The following DCAF8L2 variants were observed in gnomAD, a reference collection of about 807,000 sequenced individuals.
The protein encoded by DCAF8L2 is DDB1 and CUL4 associated factor 8 like 2.
For missense variants in DCAF8L2, 430 were observed against 490.7 expected, an observed-to-expected ratio of 0.88 and a Z score of 1.17; for synonymous variants, 200 against 190.9, an observed-to-expected ratio of 1.05 and a Z score of -0.39.
chrX:27,497,375 A>G, the DCAF8L2 span, among the ~76,000 whole-genome samples: 7 of 111,171 alleles, frequency 6.3e-5, no homozygotes, highest in Admixed American at 6.7e-4. Flanking sequence ...TGTTAAATAT[A>G]TTCACATCAT....
At chrX:27,528,108 TTTAA>T in the DCAF8L2 span, among the ~76,000 whole-genome samples, 2 of 104,409 alleles carry the variant, frequency 1.9e-5, no homozygotes, top group Admixed American at 1.1e-4. Flanking sequence ...TTTAATTTAA[TTTAA>T]TTAATTATTA....
chrX:27,699,377 A>G (rs1304465515), intron 3 of DCAF8L2, among the ~76,000 whole-genome samples: 2 of 112,141 alleles, frequency 1.8e-5, no homozygotes, highest in African/African-American at 3.2e-5. Context: ...ACAGTCAGCA[A>G]GGGAGGGAAA....
chrX:27,538,967 G>A, the DCAF8L2 span, among the ~76,000 whole-genome samples: 1 of 112,262 alleles, frequency 8.9e-6, no homozygotes, highest in South Asian at 3.7e-4. Context: ...ATCCTAATGT[G>A]TACCTGAAAG....
intron 4 of DCAF8L2, among the ~76,000 whole-genome samples, chrX:27,719,781 T>C (rs1931828984): frequency 8.9e-6 from 1 of 111,967 alleles, no homozygotes; most frequent in African/African-American, 3.2e-5. Context: ...TTAAATTTGT[T>C]CTTTATATTT....
chrX:27,570,574 AT>A, the DCAF8L2 span, among the ~76,000 whole-genome samples: 2 of 111,808 alleles, frequency 1.8e-5, no homozygotes, highest in Non-Finnish European at 1.9e-5. Flanking sequence ...ACTGGAGAGC[AT>A]TTGTGAAGAA....
the DCAF8L2 span, among the ~76,000 whole-genome samples, chrX:27,575,024 C>T: frequency 9.0e-6 from 1 of 111,500 alleles, no homozygotes; most frequent in Non-Finnish European, 1.9e-5. Flanking sequence ...CACGCGTGGG[C>T]TTGGAGAAAG....
rs901238965 is a variant in DCAF8L2 at position 27,623,251 on chromosome X, A to G, written c.-341-8628A>G. Among the ~76,000 whole-genome samples the G allele has an allele frequency of 5.4e-5, 6 of 111,096 alleles. 1 individual carries two copies. The highest frequency in any genetic ancestry group is 7.6e-4 in the South Asian group (2 of 2,630). On this transcript the variant is annotated intron_variant, in intron 1 of 4. Transcript: ENST00000451261. ...GAGTTCTCTCACTGCCCTTCAGGGG[A>G]AAAAAAACTGAAAAATCCTAGAATA...
At chrX:27,565,644 G>A in the DCAF8L2 span, among the ~76,000 whole-genome samples, 2 of 111,567 alleles carry the variant, frequency 1.8e-5, no homozygotes, top group Non-Finnish European at 1.9e-5. Context: ...TTCTTTAAGT[G>A]TTTCACTGAG....
intron 3 of DCAF8L2, among the ~76,000 whole-genome samples, chrX:27,710,688 G>A (rs1160946535): frequency 1.8e-5 from 2 of 112,477 alleles, no homozygotes; most frequent in Non-Finnish European, 3.8e-5. Context: ...TCACCTGCAT[G>A]TGTATATAGT....
the DCAF8L2 span, among the ~76,000 whole-genome samples, chrX:27,484,136 A>T: frequency 9.0e-6 from 1 of 111,706 alleles, no homozygotes; most frequent in Non-Finnish European, 1.9e-5. Flanking sequence ...TTTCAAATAG[A>T]GTTGGAGGAT....
intron 1 of DCAF8L2, among the ~76,000 whole-genome samples, chrX:27,611,375 A>C (rs750570567): frequency 9.2e-6 from 1 of 109,272 alleles, no homozygotes; most frequent in Non-Finnish European, 1.9e-5. Flanking sequence ...ATATATATAT[A>C]TATATATGCC....
the DCAF8L2 span, among the ~76,000 whole-genome samples, chrX:27,506,376 T>A: frequency 6.8e-4 from 76 of 111,986 alleles, no homozygotes; most frequent in African/African-American, 2.3e-3. Context: ...CAAGATTTTT[T>A]AAATATTGTG....
the DCAF8L2 span, among the ~76,000 whole-genome samples, chrX:27,534,365 G>A: frequency 8.9e-6 from 1 of 112,047 alleles, no homozygotes; most frequent in Non-Finnish European, 1.9e-5. Context: ...GTCCCAGATA[G>A]TTCAAAAATA....
At chrX:27,537,051 G>A in the DCAF8L2 span, among the ~76,000 whole-genome samples, 2 of 111,985 alleles carry the variant, frequency 1.8e-5, no homozygotes, top group Non-Finnish European at 3.8e-5. Flanking sequence ...TTGGCAGGTA[G>A]AGGTGTTCTG....
intron 2 of DCAF8L2, among the ~76,000 whole-genome samples, chrX:27,640,034 C>T (rs1018425598): frequency 4.5e-5 from 5 of 111,301 alleles, no homozygotes; most frequent in African/African-American, 1.6e-4. Context: ...TGTGCTGCAC[C>T]CATTAACTGG....
chrX:27,531,746 T>C, the DCAF8L2 span, among the ~76,000 whole-genome samples: 2 of 111,176 alleles, frequency 1.8e-5, no homozygotes, highest in Non-Finnish European at 3.8e-5. Flanking sequence ...TCTATGTGTT[T>C]GAGAATAGAT....
chrX:27,585,052 GT>G, the DCAF8L2 span, among the ~76,000 whole-genome samples: 42,655 of 106,803 alleles, frequency 0.4, 8,709 homozygotes, highest in African/African-American at 0.77. Context: ...AAACAATATT[GT>G]TTTTTTTTTC....
At chrX:27,555,271 C>A in the DCAF8L2 span, among the ~76,000 whole-genome samples, 11,002 of 111,552 alleles carry the variant, frequency 0.099, 419 homozygotes, top group Non-Finnish European at 0.12. Context: ...GAAGATGTAG[C>A]CAAGACATTT....
intron 4 of DCAF8L2, among the ~76,000 whole-genome samples, chrX:27,724,939 T>C (rs1419964669): frequency 9.0e-6 from 1 of 111,178 alleles, no homozygotes; most frequent in Non-Finnish European, 1.9e-5. Flanking sequence ...TATATTCCGT[T>C]TCTGAGAAAA....
Sources: gnomAD v4.1 joint callset for allele counts (sites outside exome capture counted in the v4.1 genomes callset) on GRCh38, gnomAD v4.1.1 for gene constraint, MANE v1.5 for transcripts, NCBI Gene and HGNC (gene_info 2026-07-23, HGNC 2026-07-21) for gene names.